NTM: variants seen among roughly 807,000 people sequenced by gnomAD.
NTM encodes the protein IgLON family member 2.
A neutral mutation model predicts 42.1 loss-of-function variants in NTM; 13 were observed. The observed-to-expected ratio is 0.31, with a 90% CI of 0.20 to 0.49. The LOEUF is 0.49. NTM is among the 20% of genes least tolerant of loss of function. NTM has a pLI of 0.99. For missense variants in NTM, 373 were observed against 452.8 expected, an observed-to-expected ratio of 0.82 and a Z score of 1.60; for synonymous variants, 187 against 179.2, an observed-to-expected ratio of 1.04 and a Z score of -0.35.
At chr11:132,176,046 T>C (rs1233286386) in intron 3 of NTM, among the ~76,000 whole-genome samples, 1 of 152,236 alleles carries the variant, frequency 6.6e-6, no homozygotes, top group Admixed American at 6.5e-5. Flanking sequence ...TTCCAATATA[T>C]GCTTGACACT....
intron 1 of NTM, among the ~76,000 whole-genome samples, chr11:131,612,303 C>G (rs2061523947): frequency 6.6e-6 from 1 of 152,236 alleles, no homozygotes; most frequent in South Asian, 2.1e-4. Flanking sequence ...ATGCCTGCCC[C>G]ACAGAAACTG....
intron 1 of NTM, among the ~76,000 whole-genome samples, chr11:131,725,062 G>C (rs187121599): frequency 1.3e-5 from 2 of 152,114 alleles, no homozygotes; most frequent in Non-Finnish European, 2.9e-5. Flanking sequence ...AATTCTCATC[G>C]TGATGCAAGG....
At chr11:132,274,544 G>T (rs1295010161) in intron 4 of NTM, among the ~76,000 whole-genome samples, 1 of 152,010 alleles carries the variant, frequency 6.6e-6, no homozygotes, top group Non-Finnish European at 1.5e-5. Context: ...TTATTTAGAA[G>T]TGTATTGTTA....
At chr11:132,213,731 T>TTC (rs2083297211) in intron 4 of NTM, among the ~76,000 whole-genome samples, 2 of 41,386 alleles carry the variant, frequency 4.8e-5, no homozygotes, top group Admixed American at 4.8e-4. Context: ...GCCACCATTC[T>TTC]TTTTTTTTTT....
intron 3 of NTM, among the ~76,000 whole-genome samples, chr11:132,172,326 C>A (rs561548269): frequency 6.6e-6 from 1 of 152,284 alleles, no homozygotes; most frequent in Non-Finnish European, 1.5e-5. Flanking sequence ...CGATGGTCTG[C>A]TTGAACCTTC....
At chr11:131,472,893 C>T (rs1952579543) in intron 1 of NTM, among the ~76,000 whole-genome samples, 1 of 152,046 alleles carries the variant, frequency 6.6e-6, no homozygotes, top group Non-Finnish European at 1.5e-5. Context: ...TGAGTCATCC[C>T]TTGATCTTTC....
rs117286963 is a variant in NTM, at chr11:131,881,189, T to C, written c.83-30375T>C. ...CCAACCAAGTCTGGGCTCTATTGTTTGTGATTTGTCTTCCATTCCATTGCC... is the reference window on the plus strand; with the variant it reads ...CCAACCAAGTCTGGGCTCTATTGTTCGTGATTTGTCTTCCATTCCATTGCC... On this transcript the variant is annotated intron_variant, in intron 1 of 8. Transcript: ENST00000683400. 7.9e-3 allele frequency among the ~76,000 whole-genome samples: 1,204 copies of C among 152,278 alleles called. 9 individuals carry two copies. The highest frequency in any genetic ancestry group is 0.013 in the Non-Finnish European group (881 of 68,030).
At chr11:131,934,101 T>G (rs2058951627) in intron 2 of NTM, among the ~76,000 whole-genome samples, 1 of 152,184 alleles carries the variant, frequency 6.6e-6, no homozygotes, top group Non-Finnish European at 1.5e-5. Flanking sequence ...CTTTTTTATG[T>G]ATAGTTACCA....
chr11:132,128,452 C>G (rs1040302334), intron 2 of NTM, among the ~76,000 whole-genome samples: 1 of 152,106 alleles, frequency 6.6e-6, no homozygotes, highest in Non-Finnish European at 1.5e-5. Context: ...CAGATGTTGC[C>G]TCTCCAGGGA....
chr11:131,738,486 G>T (rs1565486436), intron 1 of NTM, among the ~76,000 whole-genome samples: 2 of 152,196 alleles, frequency 1.3e-5, no homozygotes, highest in Non-Finnish European at 2.9e-5. Flanking sequence ...GTGAAATAGG[G>T]CAGAACCAAT....
At chr11:131,395,533 G>A (rs532955107) in intron 1 of NTM, among the ~76,000 whole-genome samples, 1 of 151,994 alleles carries the variant, frequency 6.6e-6, no homozygotes, top group African/African-American at 2.4e-5. Flanking sequence ...TTAAGCAGGA[G>A]AACTCCTGTG....
At chr11:131,573,068 C>T (rs562031416) in intron 1 of NTM, among the ~76,000 whole-genome samples, 5 of 152,294 alleles carry the variant, frequency 3.3e-5, no homozygotes, top group African/African-American at 1.2e-4. Flanking sequence ...ACTCCCTCCT[C>T]TTGACAAGGC....
At chr11:131,677,868 A>G (rs1198092112) in intron 1 of NTM, among the ~76,000 whole-genome samples, 1 of 152,138 alleles carries the variant, frequency 6.6e-6, no homozygotes, top group Non-Finnish European at 1.5e-5. Flanking sequence ...TGGCCCTATA[A>G]CACAGAGCCT....
intron 4 of NTM, among the ~76,000 whole-genome samples, chr11:132,250,610 G>A (rs1300511284): frequency 2.8e-5 from 4 of 143,810 alleles, no homozygotes; most frequent in African/African-American, 5.2e-5. Flanking sequence ...TTTTTTTTTC[G>A]TTACTTAACT....
At chr11:132,184,646 G>T (rs1388434034) in intron 3 of NTM, among the ~76,000 whole-genome samples, 26 of 152,194 alleles carry the variant, frequency 1.7e-4, no homozygotes, top group Admixed American at 1.7e-3. Context: ...TGGAAGGAAA[G>T]ACCAGAGAAA....
chr11:131,744,594 T>A (rs1847078572), intron 1 of NTM, among the ~76,000 whole-genome samples: 1 of 152,050 alleles, frequency 6.6e-6, no homozygotes, highest in African/African-American at 2.4e-5. Flanking sequence ...ATTAAGGAAT[T>A]GGATATGGGT....
intron 1 of NTM, among the ~76,000 whole-genome samples, chr11:131,562,679 A>G (rs557430798): frequency 1.3e-5 from 2 of 152,160 alleles, no homozygotes; most frequent in African/African-American, 4.8e-5. Context: ...TTAAATTTAG[A>G]CTCTGCAGAA....
chr11:131,990,539 T>G (rs1232580165), intron 2 of NTM, among the ~76,000 whole-genome samples: 1 of 152,014 alleles, frequency 6.6e-6, no homozygotes, highest in African/African-American at 2.4e-5. Flanking sequence ...ATAATGTGTG[T>G]GTGTCTATAA....
chr11:131,885,715 G>C (rs1329045975), intron 1 of NTM, among the ~76,000 whole-genome samples: 2 of 152,160 alleles, frequency 1.3e-5, no homozygotes, highest in African/African-American at 2.4e-5. Flanking sequence ...TTTGTACTGA[G>C]GCCGCGGTTG....
Sources: gnomAD v4.1 joint callset for allele counts (sites outside exome capture counted in the v4.1 genomes callset) on GRCh38, gnomAD v4.1.1 for gene constraint, MANE v1.5 for transcripts, NCBI Gene and HGNC (gene_info 2026-07-23, HGNC 2026-07-21) for gene names.